The following SPTBN1 variants were observed in gnomAD, a reference collection of about 807,000 sequenced individuals.
SPTBN1 encodes the protein spectrin beta, non-erythrocytic 1.
Under a neutral mutation model 266.4 loss-of-function variants are expected in SPTBN1, and 32 were observed. That is an observed-to-expected ratio of 0.12 (90% CI 0.09 to 0.16). The LOEUF (loss-of-function observed/expected upper bound fraction) is 0.16, where lower values mean the gene tolerates loss of function less well. Among genes scored for constraint, SPTBN1 ranks in the 10% least tolerant of loss-of-function variants. The pLI, the probability that SPTBN1 is intolerant of heterozygous loss-of-function variation, is 1.00. For missense variants in SPTBN1, 2,296 were observed against 3,067.1 expected, an observed-to-expected ratio of 0.75 and a Z score of 5.94; for synonymous variants, 1,336 against 1,162.2, an observed-to-expected ratio of 1.15 and a Z score of -3.04.
At chr2:54,497,159 C>G (rs886926803) in intron 1 of SPTBN1, among the ~76,000 whole-genome samples, 2 of 152,124 alleles carry the variant, frequency 1.3e-5, no homozygotes, top group East Asian at 3.8e-4. Flanking sequence ...TCTTTTTTAC[C>G]GTAAGACCAG....
chr2:54,612,429 G>A, intron 4 of SPTBN1, 95 bp downstream of exon 4: 3 of 1,368,684 alleles, frequency 2.2e-6, no homozygotes, highest in African/African-American at 1.5e-5. Context: ...AGAGGGATCG[G>A]GAAGACCAGG....
intron 2 of SPTBN1, among the ~76,000 whole-genome samples, chr2:54,532,081 C>T (rs894229861): frequency 2.0e-5 from 3 of 152,056 alleles, no homozygotes; most frequent in Non-Finnish European, 4.4e-5. Flanking sequence ...TGAGGTCAGG[C>T]GTTCAAAACC....
Position 54,522,678 on chromosome 2 carries a change from GGAGA to G in SPTBN1, c.-47-3675_-47-3672del, listed in dbSNP as rs1553439420. 1.2e-3 allele frequency among the ~76,000 whole-genome samples: 93 copies of G among 78,634 alleles called. 1 individual carries two copies. The highest frequency in any genetic ancestry group is 0.01 in the Middle Eastern group (2 of 196). 51.6% of individuals were successfully genotyped at this position (78,634 alleles called of 152,430 possible). On this transcript the variant is annotated intron_variant, in intron 1 of 35. Coordinates refer to ENST00000356805, the MANE Select transcript of SPTBN1 (RefSeq NM_003128.3). ...AGAGAAAGAGAGAGAGAGAGAGAGAGGAGAGAGAGAGAGAGAGAGAGAAAGAAAG... is the reference window on the plus strand; with the variant it reads ...AGAGAAAGAGAGAGAGAGAGAGAGAGGAGAGAGAGAGAGAGAGAAAGAAAG...
At chr2:54,498,020 A>C (rs780299958) in intron 1 of SPTBN1, among the ~76,000 whole-genome samples, 4 of 152,228 alleles carry the variant, frequency 2.6e-5, no homozygotes, top group Non-Finnish European at 5.9e-5. Context: ...ATCAAGAATC[A>C]AGTTCCTGTC....
chr2:54,661,309 A>T (rs1681028798), intron 32 of SPTBN1: 1 of 985,910 alleles, frequency 1.0e-6, no homozygotes, highest in Middle Eastern at 5.2e-4. Flanking sequence ...CATATTATAC[A>T]TCAAAACCTT....
In SPTBN1 at chr2:54,623,507, C is replaced by G; in HGVS notation, c.1093C>G (p.Leu365Val). The change falls in exon 10 of 36, where the codon CTG becomes GTG. Residue 365 changes from leucine to valine, a missense_variant. Leu to Val is a conservative substitution (Grantham distance 32). This residue lies in a region of SPTBN1 where 148 missense variants were observed against 203.8 expected (regional missense o/e 0.73). Coordinates refer to ENST00000356805, the MANE Select transcript of SPTBN1 (RefSeq NM_003128.3). ...KFTEKGNLEV[L>V]LFTIQSKMRA... ...TACTGAGAAGGGGAACTTGGAAGTG[C>G]TGCTCTTCACCATTCAGAGCAAGAT... 1 of 1,614,132 alleles carries G rather than the reference C, an allele frequency of 6.2e-7. No individual in the cohort carries two copies. Among genetic ancestry groups the G allele is most frequent in the Non-Finnish European group, 8.5e-7 (1 of 1,179,974 alleles).
At chr2:54,536,702 T>C (rs1573365737) in intron 2 of SPTBN1, among the ~76,000 whole-genome samples, 1 of 152,326 alleles carries the variant, frequency 6.6e-6, no homozygotes, top group East Asian at 1.9e-4. Context: ...TTGAGTTCTC[T>C]GAACAACAAA....
chr2:54,581,983 A>G (rs1462083497), intron 2 of SPTBN1, among the ~76,000 whole-genome samples: 3 of 152,118 alleles, frequency 2.0e-5, no homozygotes, highest in South Asian at 2.1e-4. Context: ...GGTTTGGTGC[A>G]TGGGGTACCT....
chr2:54,460,158 A>G (rs957330017), intron 1 of SPTBN1, among the ~76,000 whole-genome samples: 18 of 152,360 alleles, frequency 1.2e-4, no homozygotes, highest in African/African-American at 3.8e-4. Context: ...AATCGGAATC[A>G]ACATTTTAAC....
At chr2:54,501,450 A>G (rs962637700) in intron 1 of SPTBN1, among the ~76,000 whole-genome samples, 2 of 152,156 alleles carry the variant, frequency 1.3e-5, no homozygotes, top group Non-Finnish European at 2.9e-5. Context: ...TCTCCCTTTT[A>G]GGGAACACTA....
At chr2:54,477,752 A>C (rs1299975592) in intron 1 of SPTBN1, among the ~76,000 whole-genome samples, 5 of 152,146 alleles carry the variant, frequency 3.3e-5, no homozygotes, top group African/African-American at 7.2e-5. Flanking sequence ...TCTCTACTAA[A>C]AATGCAAAAA....
At chr2:54,660,530 A>G (rs547737809) in intron 32 of SPTBN1, 55 of 986,176 alleles carry the variant, frequency 5.6e-5, no homozygotes, top group South Asian at 1.4e-4. Flanking sequence ...GGAGGGAGAC[A>G]TTCTGTAATA....
rs1050449259 is a variant in SPTBN1, at chr2:54,670,442, C to T, written c.*1873C>T. ...GCATCAGCCCTGGGCTCCACAGCTG[C>T]GTGGCATCAAAGCTTTCTCTTAACT... On this transcript the variant is annotated 3_prime_UTR_variant, in exon 36 of 36. Coordinates refer to ENST00000356805, the MANE Select transcript of SPTBN1 (RefSeq NM_003128.3). The T allele has an allele frequency of 1.7e-5, 6 of 361,342 alleles. No individual in the cohort carries two copies. The highest frequency in any genetic ancestry group is 1.0e-4 in the African/African-American group (5 of 48,036). The allele number at this position is 361,342 out of a possible 1,614,324, so 22.4% of individuals were successfully genotyped here.
At chr2:54,490,981 A>G (rs546486928) in intron 1 of SPTBN1, among the ~76,000 whole-genome samples, 25 of 152,300 alleles carry the variant, frequency 1.6e-4, no homozygotes, top group African/African-American at 5.8e-4. Flanking sequence ...CCAAAAGACA[A>G]GTGAGGAGGG....
At chr2:54,633,647 A>AG (rs1678915760) in intron 17 of SPTBN1, among the ~76,000 whole-genome samples, 1 of 152,182 alleles carries the variant, frequency 6.6e-6, no homozygotes, top group African/African-American at 2.4e-5. Flanking sequence ...GGTTGAATTT[A>AG]AGGGCTTGCT....
chr2:54,576,055 C>CTTTTTTGTTTTTTTTTTTTTTTTTT (rs1674443494), intron 2 of SPTBN1, among the ~76,000 whole-genome samples: 1 of 18,734 alleles, frequency 5.3e-5, no homozygotes, highest in Non-Finnish European at 1.1e-4. Context: ...TCAGATCCAG[C>CTTTTTTGTTTTTTTTTTTTTTTTTT]TTTTTTTTTT....
chr2:54,593,885 G>A (rs1294024657), intron 2 of SPTBN1, among the ~76,000 whole-genome samples: 1 of 140,272 alleles, frequency 7.1e-6, no homozygotes, highest in Non-Finnish European at 1.5e-5. Flanking sequence ...CCAGGCTGGA[G>A]TGCGGTGGCA....
At chr2:54,574,391 G>GT (rs1674313385) in intron 2 of SPTBN1, among the ~76,000 whole-genome samples, 1 of 152,142 alleles carries the variant, frequency 6.6e-6, no homozygotes, top group Non-Finnish European at 1.5e-5. Flanking sequence ...GATCATTTAG[G>GT]TGTGGCAGGA....
At chr2:54,582,506 G>T (rs1654836620) in intron 2 of SPTBN1, among the ~76,000 whole-genome samples, 1 of 150,998 alleles carries the variant, frequency 6.6e-6, no homozygotes, top group South Asian at 2.1e-4. Flanking sequence ...GGAGCTTGCA[G>T]TGAGCCGAGA....
Sources: gnomAD v4.1 joint callset for allele counts (sites outside exome capture counted in the v4.1 genomes callset) on GRCh38, gnomAD v4.1.1 for gene constraint, gnomAD v4.1.1 regional missense constraint, MANE v1.5 for transcripts, NCBI Gene and HGNC (gene_info 2026-07-23, HGNC 2026-07-21) for gene names.